DUSP16: variants seen among roughly 807,000 people sequenced by gnomAD.
DUSP16 encodes dual specificity phosphatase 16.
DUSP16 carries 21 observed loss-of-function variants against 58.3 expected under a neutral mutation model. The ratio of observed to expected loss-of-function variants is 0.36; its 90% CI spans 0.26 to 0.52. The LOEUF is 0.52. Ranked by LOEUF, DUSP16 falls within the 20% of genes least tolerant of loss-of-function variation. The pLI is 0.94. For missense variants in DUSP16, 726 were observed against 819.0 expected, an observed-to-expected ratio of 0.89 and a Z score of 1.39; for synonymous variants, 320 against 323.8, an observed-to-expected ratio of 0.99 and a Z score of 0.12.
rs965438227 is a variant in DUSP16, at chr12:12,558,287, C to T, written c.-366+3830G>A. Among the ~76,000 whole-genome samples the T allele has an allele frequency of 2.0e-5, 3 of 152,144 alleles. No homozygotes were observed. In the East Asian group the frequency reaches 5.8e-4, roughly 29 times the overall value. Reference sequence around the variant, plus strand: ...CTCAAAATAGGCCATGATATTACAGCGAATCCCTCTTTTTATTTCTGACAA... The same window carrying T: ...CTCAAAATAGGCCATGATATTACAGTGAATCCCTCTTTTTATTTCTGACAA... On this transcript the variant is annotated intron_variant, in intron 1 of 6. Coordinates refer to ENST00000298573, the MANE Select transcript of DUSP16 (RefSeq NM_030640.3).
At chr12:12,515,991 G>T (rs545621601) in intron 3 of DUSP16, among the ~76,000 whole-genome samples, 1 of 151,772 alleles carries the variant, frequency 6.6e-6, no homozygotes, top group Non-Finnish European at 1.5e-5. Flanking sequence ...GGCCAGGCTG[G>T]TCTCGAACTC....
chr12:12,559,038 C>G (rs1944853967), intron 1 of DUSP16, among the ~76,000 whole-genome samples: 1 of 152,166 alleles, frequency 6.6e-6, no homozygotes, highest in Admixed American at 6.5e-5. Flanking sequence ...CCTGAGCCTG[C>G]TTCTTTAAAT....
intron 4 of DUSP16, 64 bp from the exon 5 acceptor site, chr12:12,487,251 G>C: frequency 1.9e-6 from 3 of 1,545,092 alleles, no homozygotes; most frequent in Non-Finnish European, 2.7e-6. Flanking sequence ...CATTCTGAAA[G>C]AGTGAAGTTT....
intron 3 of DUSP16, among the ~76,000 whole-genome samples, chr12:12,509,055 G>A (rs1944037859): frequency 6.6e-6 from 1 of 152,074 alleles, no homozygotes; most frequent in South Asian, 2.1e-4. Context: ...CTTTTAAATT[G>A]GCAATACATA....
Position 12,477,335 on chromosome 12 carries a change from A to T in DUSP16, c.1496T>A (p.Leu499His). 1 of 1,614,238 alleles carries T rather than the reference A, an allele frequency of 6.2e-7. No individual in the cohort carries two copies. ...TSSSGTAQRS[L>H]LSPLHRSGSV... ...CCCACTTCGATGCAGTGGAGATAAA[A>T]GGGACCTCTGGGCGGTGCCACTGCT... Residue 499 changes from leucine (L) to histidine (H), a missense_variant, in exon 7 of 7, where the codon CTT becomes CAT. Physicochemically the swap from Leu to His is moderately conservative, Grantham distance 99. Coordinates refer to ENST00000298573, the MANE Select transcript of DUSP16 (RefSeq NM_030640.3). This position sits in a 1 kb window ranked among gnomAD's most constrained non-coding sequence, Gnocchi z 4.1.
Position 12,475,190 on chromosome 12 carries a change from C to CACTT in DUSP16, c.*1639_*1642dup, listed in dbSNP as rs1225114091. On this transcript the variant is annotated 3_prime_UTR_variant, in exon 7 of 7. Transcript: ENST00000298573. ...TGAGATACGAGGCAGCAACTAGCGA[C>CACTT]ACTTACAGGAAGGGAAAGAACAATG... 1 of 152,220 alleles carries CACTT rather than the reference C, an allele frequency of 6.6e-6. No homozygotes were observed. The highest frequency in any genetic ancestry group is 1.5e-5 in the Non-Finnish European group (1 of 68,066). The allele number at this position is 152,220 out of a possible 1,614,324, so 9.4% of individuals were successfully genotyped here.
chr12:12,500,985 G>GT lies in DUSP16; in HGVS notation c.368-304dup, dbSNP rs200853531. Among the ~76,000 whole-genome samples, 1,348 of 151,272 alleles carry GT rather than the reference G, an allele frequency of 8.9e-3. 12 individuals carry two copies. Among genetic ancestry groups the GT allele is most frequent in the African/African-American group, 0.025 (1,012 of 41,214 alleles). Reference sequence around the variant, plus strand: ...TTTGCTCCCCACTCCCCATGCAAATGTTTTTTTTTGTAAAACATAAAGAGG... The same window carrying GT: ...TTTGCTCCCCACTCCCCATGCAAATGTTTTTTTTTTGTAAAACATAAAGAGG... On this transcript the variant is annotated intron_variant, in intron 3 of 6. Transcript: ENST00000298573.
At chr12:12,490,423 A>C (rs76488969) in intron 4 of DUSP16, among the ~76,000 whole-genome samples, 9,694 of 151,638 alleles carry the variant, frequency 0.064, 434 homozygotes, top group East Asian at 0.19. Context: ...ACAAAAAAAA[A>C]CCCTTAAATA....
At chr12:12,532,114 C>T (rs554504685) in intron 1 of DUSP16, among the ~76,000 whole-genome samples, 2 of 152,130 alleles carry the variant, frequency 1.3e-5, no homozygotes, top group South Asian at 4.1e-4. Context: ...GCCGAGATTG[C>T]GCCACTGCAG....
chr12:12,498,644 A>T (rs1421996103), intron 4 of DUSP16, among the ~76,000 whole-genome samples: 3 of 152,102 alleles, frequency 2.0e-5, no homozygotes, highest in Non-Finnish European at 4.4e-5. Context: ...CAAACTCCTG[A>T]GCTCAAATGA....
At chr12:12,546,080 AT>A (rs1944637600) in intron 1 of DUSP16, among the ~76,000 whole-genome samples, 1 of 152,226 alleles carries the variant, frequency 6.6e-6, no homozygotes, top group South Asian at 2.1e-4. Context: ...AATAAGTTAT[AT>A]TTCCCATGCA....
At chr12:12,547,173 A>G (rs1233694493) in intron 1 of DUSP16, among the ~76,000 whole-genome samples, 1 of 152,214 alleles carries the variant, frequency 6.6e-6, no homozygotes, top group African/African-American at 2.4e-5. Context: ...TCATGCCTGT[A>G]ATCCCAGCAC....
chr12:12,496,362 C>T (rs1943827524), intron 4 of DUSP16, among the ~76,000 whole-genome samples: 1 of 152,174 alleles, frequency 6.6e-6, no homozygotes, highest in Admixed American at 6.5e-5. Context: ...CCTAACTCTT[C>T]TAAGAAAACA....
At chr12:12,495,864 C>T (rs1168526834) in intron 4 of DUSP16, among the ~76,000 whole-genome samples, 1 of 152,258 alleles carries the variant, frequency 6.6e-6, no homozygotes, top group African/African-American at 2.4e-5. Flanking sequence ...ACTGTATCTA[C>T]TACTCACCCT....
intron 1 of DUSP16, among the ~76,000 whole-genome samples, chr12:12,540,261 G>A (rs1014107770): frequency 2.0e-5 from 3 of 151,694 alleles, no homozygotes; most frequent in South Asian, 2.1e-4. Flanking sequence ...GAGCCCGGGA[G>A]ATAGAGGTTG....
Position 12,559,453 on chromosome 12 carries a change from T to C in DUSP16, c.-366+2664A>G, listed in dbSNP as rs892938923. ...TTCTGATCCAAATCAGTTCACCCTA[T>C]ATTAATTTACTTCTTCAAATTAAAG... On this transcript the variant is annotated intron_variant, in intron 1 of 6. Transcript: ENST00000298573. Among the ~76,000 whole-genome samples, 6 of 152,256 alleles carry C rather than the reference T, an allele frequency of 3.9e-5. No individual in the cohort carries two copies. The East Asian group carries it at 1.2e-3, about 29-fold the overall frequency.
chr12:12,483,431 A>G (rs1489891148), intron 5 of DUSP16, among the ~76,000 whole-genome samples: 2 of 151,448 alleles, frequency 1.3e-5, no homozygotes, highest in Non-Finnish European at 2.9e-5. Context: ...ATCTATTTTA[A>G]TCCTCACAAT....
Position 12,480,312 on chromosome 12 carries a change from C to T in DUSP16, c.726G>A (p.Val242=), listed in dbSNP as rs1389533823. Residue 242 remains valine, a synonymous_variant, in exon 6 of 7, where the codon GTG becomes GTA. Transcript: ENST00000298573. Reference sequence around the variant, plus strand: ...AGCGGGAGATCCCAGCTAAACAGTGCACTAGAACACATCCATTGGAGGCTT... The same window carrying T: ...AGCGGGAGATCCCAGCTAAACAGTGTACTAGAACACATCCATTGGAGGCTT... ...KAKASNGCVL[V]HCLAGISRSA... is the part of the protein sequence containing the mutation. The T allele has an allele frequency of 1.2e-6, 2 of 1,614,146 alleles. No homozygotes were observed. The highest frequency in any genetic ancestry group is 1.7e-6 in the Non-Finnish European group (2 of 1,180,008).
intron 5 of DUSP16, among the ~76,000 whole-genome samples, chr12:12,486,030 T>C (rs901335347): frequency 6.0e-5 from 9 of 150,318 alleles, no homozygotes; most frequent in Non-Finnish European, 1.3e-4. Flanking sequence ...CCTGACCTCA[T>C]GATCCACCCG....
Sources: allele counts gnomAD v4.1 joint callset (sites outside exome capture counted in the v4.1 genomes callset), GRCh38; gene constraint gnomAD v4.1.1; non-coding constraint Gnocchi (gnomAD v3.1); transcripts MANE v1.5; gene names NCBI Gene and HGNC (gene_info 2026-07-23, HGNC 2026-07-21).